ISG20: variants seen among roughly 807,000 people sequenced by gnomAD.
The protein encoded by ISG20 is interferon stimulated exonuclease gene 20, also known as interferon-stimulated gene 20 kDa protein.
A neutral mutation model predicts 11.1 loss-of-function variants in ISG20; 8 were observed. The ratio of observed to expected loss-of-function variants is 0.72; its 90% CI spans 0.42 to 1.30. The LOEUF is 1.30. ISG20 is among the 50% of genes most tolerant of loss of function. ISG20 has a pLI of 0.01. For missense variants in ISG20, 243 were observed against 250.2 expected (o/e 0.97, Z 0.19); for synonymous variants, 110 against 101.7 (o/e 1.08, Z -0.49).
In ISG20 at chr15:88,639,273, G is replaced by A. The variant is rs754139693; in HGVS notation, c.-24-70G>A. ...CAGGGCGGAGGGTAAGGCCAGCTGGGGTTGGCTGAGGACACCTGGAGGCTT... is the reference window on the plus strand; with the variant it reads ...CAGGGCGGAGGGTAAGGCCAGCTGGAGTTGGCTGAGGACACCTGGAGGCTT... On this transcript the variant is annotated intron_variant, in intron 1 of 3. Transcript: ENST00000306072. This position sits in a 1 kb window ranked among gnomAD's most constrained non-coding sequence, Gnocchi z 4.2. 1.1e-6 allele frequency: 1 copy of A among 927,736 alleles called. No individual in the cohort carries two copies. The highest frequency in any genetic ancestry group is 1.6e-6 in the Non-Finnish European group (1 of 618,270). 57.5% of individuals were successfully genotyped at this position (927,736 alleles called of 1,614,324 possible).
upstream of ISG20, among the ~76,000 whole-genome samples, chr15:88,637,787 G>C (rs1048909856): frequency 6.6e-6 from 1 of 152,058 alleles, no homozygotes; most frequent in South Asian, 2.1e-4. Context: ...ATCTTTAGGG[G>C]GTTACTTTTT....
chr15:88,636,651 A>G (rs928038412), upstream of ISG20, among the ~76,000 whole-genome samples: 8 of 152,158 alleles, frequency 5.3e-5, no homozygotes, highest in East Asian at 1.9e-4. Flanking sequence ...TGATCCTCCC[A>G]GCTTAGTCTC....
At chr15:88,644,549 AAAAGAC>A (rs2058137381) in intron 2 of ISG20, among the ~76,000 whole-genome samples, 1 of 133,740 alleles carries the variant, frequency 7.5e-6, no homozygotes, top group Non-Finnish European at 1.7e-5. Flanking sequence ...AAAAAAAAAG[AAAAGAC>A]AAAAAAAAAA....
chr15:88,655,360 G>T, intron 3 of ISG20, 55 bp from the exon 4 acceptor site: 1 of 1,506,778 alleles, frequency 6.6e-7, no homozygotes, highest in South Asian at 1.1e-5. Flanking sequence ...ACCCTGTCAC[G>T]GGGCCTCTGA....
chr15:88,639,327 A>G lies in ISG20; in HGVS notation c.-24-16A>G. ...TTGCCCAAGCGTGAGACCGCCCCCC[A>G]TACCCCTCTCTCCAGCATCTCTGAG... On this transcript the variant is annotated splice_polypyrimidine_tract_variant and intron_variant, in intron 1 of 3. Coordinates refer to ENST00000306072, the MANE Select transcript of ISG20 (RefSeq NM_002201.6). The surrounding 1 kb of genome is among the most constrained non-coding windows in gnomAD (Gnocchi z 4.2). 2 of 1,517,258 alleles carry G rather than the reference A, an allele frequency of 1.3e-6. No individual in the cohort carries two copies. Among genetic ancestry groups the G allele is most frequent in the East Asian group, 2.3e-5 (1 of 43,198 alleles). 94.0% of individuals were successfully genotyped at this position (1,517,258 alleles called of 1,614,324 possible).
At chr15:88,640,243 G>T (rs890681257) in intron 2 of ISG20, among the ~76,000 whole-genome samples, 2 of 152,222 alleles carry the variant, frequency 1.3e-5, no homozygotes, top group African/African-American at 4.8e-5. Context: ...GGGCAGGCGA[G>T]CTCGTCAGTT....
At chr15:88,645,436 T>C (rs2141395453) in intron 2 of ISG20, among the ~76,000 whole-genome samples, 1 of 152,190 alleles carries the variant, frequency 6.6e-6, no homozygotes, top group African/African-American at 2.4e-5. Flanking sequence ...GACCCTCGTT[T>C]TCTGCCGGCT....
chr15:88,650,329 G>T lies in ISG20; in HGVS notation c.229-1781G>T. 1 of 1,535,548 alleles carries T rather than the reference G, an allele frequency of 6.5e-7. No individual in the cohort carries two copies. The highest frequency in any genetic ancestry group is 1.2e-5 in the South Asian group (1 of 84,052). On this transcript the variant is annotated intron_variant, in intron 2 of 3. Coordinates refer to ENST00000306072, the MANE Select transcript of ISG20 (RefSeq NM_002201.6). This position sits in a 1 kb window ranked among gnomAD's most constrained non-coding sequence, Gnocchi z 4.0. ...GGCAGGCTGTCCATGTGGGAGGCGA[G>T]GCGAGGAACGCGGGGCTGGGGCAGT...
chr15:88,638,358 A>G (rs2058018378), upstream of ISG20, among the ~76,000 whole-genome samples: 1 of 152,212 alleles, frequency 6.6e-6, no homozygotes, highest in African/African-American at 2.4e-5. Flanking sequence ...CTAGCCTGGG[A>G]GAGTGTGGAC....
chr15:88,651,263 C>T, intron 2 of ISG20: 2 of 985,426 alleles, frequency 2.0e-6, no homozygotes, highest in East Asian at 2.3e-4. Flanking sequence ...TTGTAAAACT[C>T]AGTTAAATGC....
Position 88,639,171 on chromosome 15 carries a change from C to G in ISG20, c.-25+95C>G, listed in dbSNP as rs150475129. On this transcript the variant is annotated intron_variant, in intron 1 of 3. Coordinates refer to ENST00000306072, the MANE Select transcript of ISG20 (RefSeq NM_002201.6). This position sits in a 1 kb window ranked among gnomAD's most constrained non-coding sequence, Gnocchi z 4.2. ...GGCAGGCCAGAGGCCCTGGGACACA[C>G]GGGCAGGGTAAGGCAGGGGATGGGG... is the stretch of plus-strand genomic sequence containing the variant. The G allele has an allele frequency of 7.6e-4, 456 of 597,110 alleles. No individual in the cohort carries two copies. Among genetic ancestry groups the G allele is most frequent in the Non-Finnish European group, 1.2e-3 (389 of 336,108 alleles). 37.0% of individuals were successfully genotyped at this position (597,110 alleles called of 1,614,324 possible).
intron 2 of ISG20, 175 bp from the exon 3 acceptor site, chr15:88,651,935 G>A (rs1263475144): frequency 2.1e-6 from 3 of 1,433,532 alleles, no homozygotes; most frequent in South Asian, 1.5e-5. Context: ...CAGGTGTGAG[G>A]AGGGTCCTAG....
rs1339569111 is a variant in ISG20 at position 88,639,125 on chromosome 15, T to TTCCCGGTCCCCAGGCTGCGGGGCAGGCCA, written c.-25+50_-25+78dup. 1 of 565,588 alleles carries TTCCCGGTCCCCAGGCTGCGGGGCAGGCCA rather than the reference T, an allele frequency of 1.8e-6. No individual in the cohort carries two copies. The highest frequency in any genetic ancestry group is 3.1e-6 in the Non-Finnish European group (1 of 318,722). 35.0% of individuals were successfully genotyped at this position (565,588 alleles called of 1,614,324 possible). Reference sequence around the variant, plus strand: ...AGCTGGGGAGGCAGCGGGAGGGGCCTTCCCGGTCCCCAGGCTGCGGGGCAG... The same window carrying TTCCCGGTCCCCAGGCTGCGGGGCAGGCCA: ...AGCTGGGGAGGCAGCGGGAGGGGCCTTCCCGGTCCCCAGGCTGCGGGGCAGGCCATCCCGGTCCCCAGGCTGCGGGGCAG... On this transcript the variant is annotated intron_variant, in intron 1 of 3. Transcript: ENST00000306072. The surrounding 1 kb of genome is among the most constrained non-coding windows in gnomAD (Gnocchi z 4.2).
chr15:88,637,897 T>C (rs146080880), upstream of ISG20, among the ~76,000 whole-genome samples: 207 of 152,362 alleles, frequency 1.4e-3, no homozygotes, highest in African/African-American at 4.2e-3. Context: ...CCACACAGTC[T>C]GAATTAAAGC....
In ISG20 at chr15:88,639,605, G is replaced by C. The variant is rs756727522; in HGVS notation, c.228+11G>C. ...GTGGCCAGGCTAGAGGTGAGTGAAG[G>C]CCCGGCCAGCAGGGGCTTTGGAAAT... is the stretch of plus-strand genomic sequence containing the variant. On this transcript the variant is annotated intron_variant, in intron 2 of 3. Coordinates refer to ENST00000306072, the MANE Select transcript of ISG20 (RefSeq NM_002201.6). The surrounding 1 kb of genome is among the most constrained non-coding windows in gnomAD (Gnocchi z 4.2). 1.9e-6 allele frequency: 3 copies of C among 1,607,246 alleles called. No individual in the cohort carries two copies. The highest frequency in any genetic ancestry group is 2.7e-5 in the African/African-American group (2 of 74,802).
intron 2 of ISG20, among the ~76,000 whole-genome samples, chr15:88,641,213 C>G (rs1046684008): frequency 1.3e-5 from 2 of 152,046 alleles, no homozygotes; most frequent in African/African-American, 2.4e-5. Context: ...CCAGGCTGGT[C>G]TCGCTCGAAC....
rs748762729 is a variant in ISG20, at chr15:88,655,512, G to A, written c.527G>A (p.Arg176His). 6.0e-5 allele frequency: 97 copies of A among 1,613,548 alleles called. No homozygotes were observed. The highest frequency in any genetic ancestry group is 1.6e-4 in the Middle Eastern group (1 of 6,074). ...QRIRARRGLPRLAVSD is the reference protein window; with the variant it reads ...QRIRARRGLPHLAVSD ...ATCCGAGCCCGCCGAGGGCTGCCCCGCCTGGCTGTGTCAGACTGAAGCCCC... is the reference window on the plus strand; with the variant it reads ...ATCCGAGCCCGCCGAGGGCTGCCCCACCTGGCTGTGTCAGACTGAAGCCCC... Residue 176 changes from arginine to histidine, a missense_variant, in exon 4 of 4, where the codon CGC becomes CAC. Coordinates refer to ENST00000306072, the MANE Select transcript of ISG20 (RefSeq NM_002201.6).
intron 3 of ISG20, 47 bp downstream of exon 3, chr15:88,652,357 T>G: frequency 7.4e-6 from 6 of 814,240 alleles, no homozygotes; most frequent in Non-Finnish European, 9.9e-6. Context: ...CTCCCCCTCC[T>G]CCCCCTCCTC....
In ISG20 at chr15:88,639,662, C is replaced by A; in HGVS notation, c.228+68C>A. ...TCTCCCACTTCCCTGGCCCCTCTTC[C>A]CTGGTGCCCATCTGTGACCTGTGAC... On this transcript the variant is annotated intron_variant, in intron 2 of 3. Transcript: ENST00000306072. The surrounding 1 kb of genome is among the most constrained non-coding windows in gnomAD (Gnocchi z 4.2). 7.9e-7 allele frequency: 1 copy of A among 1,273,526 alleles called. No homozygotes were observed. Among genetic ancestry groups the A allele is most frequent in the Non-Finnish European group, 1.1e-6 (1 of 888,278 alleles). The allele number at this position is 1,273,526 out of a possible 1,614,324, so 78.9% of individuals were successfully genotyped here. A position where few individuals can be genotyped will look rare whatever the true frequency, so the allele number is the denominator to read the frequency against.
Sources: allele counts gnomAD v4.1 joint callset (sites outside exome capture counted in the v4.1 genomes callset), GRCh38; gene constraint gnomAD v4.1.1; non-coding constraint Gnocchi (gnomAD v3.1); transcripts MANE v1.5; gene names NCBI Gene and HGNC (gene_info 2026-07-23, HGNC 2026-07-21).